Variants in ZNF232 observed in about 807,000 individuals in gnomAD.
ZNF232 encodes zinc finger protein 232, also known as zinc finger and SCAN domain-containing protein 11.
ZNF232 carries 25 observed loss-of-function variants against 25.2 expected under a neutral mutation model. That is an observed-to-expected ratio of 0.99 (90% CI 0.72 to 1.39). The LOEUF is 1.39. ZNF232 is among the 40% of genes most tolerant of loss of function. ZNF232 has a pLI of 0.00. For missense variants in ZNF232, 519 were observed against 520.9 expected (o/e 1.00, Z 0.04); for synonymous variants, 193 against 182.9 (o/e 1.06, Z -0.45).
chr17:5,121,256 C>T, intron 1 of ZNF232: 2 of 368,812 alleles, frequency 5.4e-6, no homozygotes, highest in East Asian at 7.3e-5. Flanking sequence ...TCTTTGTGTG[C>T]AGGTGCCTTT....
At position 5,119,172 on chromosome 17, in the gene ZNF232, ACT is replaced by A. The variant is rs1336047066; in HGVS notation, c.-530+3803_-530+3804del. Among the ~76,000 whole-genome samples, 4 of 151,914 alleles carry A rather than the reference ACT, an allele frequency of 2.6e-5. No individual in the cohort carries two copies. The South Asian group carries it at 6.2e-4, about 24-fold the overall frequency. On this transcript the variant is annotated intron_variant, in intron 1 of 4. Transcript: ENST00000250076. ...CCCTCTTCCTCAAAGAGATTATCAG[ACT>A]CTGACTTTTTCTCAGTTTTGGTCCT...
chr17:5,109,499 C>G, exon 2 of ZNF232: 1 of 1,614,178 alleles, frequency 6.2e-7, no homozygotes, highest in Non-Finnish European at 8.5e-7. Context: ...GCTCCTCAGG[C>G]AGGATGGTCA....
intron 3 of ZNF232, 108 bp downstream of exon 3, chr17:5,108,818 A>G (rs2072323581): frequency 6.5e-7 from 1 of 1,531,736 alleles, no homozygotes; most frequent in Non-Finnish European, 8.9e-7. Context: ...CTGTGATGAT[A>G]CCAAACATTT....
chr17:5,122,881 G>A (rs1212819226), intron 1 of ZNF232: 1 of 152,336 alleles, frequency 6.6e-6, no homozygotes. Flanking sequence ...GGAAGAACGC[G>A]ACGACGCGAG....
chr17:5,116,330 A>G (rs186850109), upstream of ZNF232: 1,915 of 151,578 alleles, frequency 0.013, 13 homozygotes, highest in Non-Finnish European at 0.02. Context: ...CCGCCTCACC[A>G]CTCCCGGCTT....
At chr17:5,109,259 C>A (rs2072335495) in intron 2 of ZNF232, 135 bp downstream of exon 2, 2 of 1,262,442 alleles carry the variant, frequency 1.6e-6, no homozygotes, top group Non-Finnish European at 2.3e-6. Context: ...AAAAGACAGA[C>A]ACAGAAACAC....
intron 1 of ZNF232, among the ~76,000 whole-genome samples, chr17:5,118,746 C>T (rs1174643416): frequency 2.0e-5 from 3 of 152,198 alleles, no homozygotes; most frequent in Non-Finnish European, 4.4e-5. Flanking sequence ...CAGTGGCTCT[C>T]AGCGGAGAGG....
chr17:5,108,817 T>C (rs1185145962), intron 3 of ZNF232, 109 bp downstream of exon 3: 10 of 1,528,808 alleles, frequency 6.5e-6, no homozygotes, highest in Non-Finnish European at 8.9e-6. Flanking sequence ...GCTGTGATGA[T>C]ACCAAACATT....
At chr17:5,112,576 T>C (rs964323017), upstream of ZNF232, among the ~76,000 whole-genome samples, 10 of 150,704 alleles carry the variant, frequency 6.6e-5, no homozygotes, top group Non-Finnish European at 8.9e-5. Flanking sequence ...CTCAGCCTCC[T>C]GAGTAGCTGG....
At chr17:5,111,828 C>G in exon 1 of ZNF232, 1 of 1,613,832 alleles carries the variant, frequency 6.2e-7, no homozygotes, top group Non-Finnish European at 8.5e-7. Context: ...TCCATCGGGG[C>G]GCTGCCGCGA....
chr17:5,110,907 A>G (rs531185980), intron 1 of ZNF232, among the ~76,000 whole-genome samples: 1 of 152,086 alleles, frequency 6.6e-6, no homozygotes, highest in East Asian at 1.9e-4. Flanking sequence ...GCAGGAGGGG[A>G]AGGAGGAGAG....
At chr17:5,115,592 C>G (rs2072516183), upstream of ZNF232, among the ~76,000 whole-genome samples, 2 of 126,056 alleles carry the variant, frequency 1.6e-5, no homozygotes, top group Admixed American at 1.7e-4. Flanking sequence ...CAAAACGGAA[C>G]AGAGGCAGTT....
intron 1 of ZNF232, among the ~76,000 whole-genome samples, chr17:5,118,663 G>A (rs2072584889): frequency 6.6e-6 from 1 of 152,194 alleles, no homozygotes; most frequent in Non-Finnish European, 1.5e-5. Flanking sequence ...GCTCTTGTCT[G>A]GCATCCAAAA....
intron 1 of ZNF232, chr17:5,121,357 G>T: frequency 2.9e-6 from 1 of 342,538 alleles, no homozygotes; most frequent in South Asian, 2.4e-5. Flanking sequence ...AACCCCTGTG[G>T]CCCACTCTGC....
In ZNF232 at chr17:5,109,895, C is replaced by CTT. The variant is rs113119643; in HGVS notation, c.24-29_24-28dup. On this transcript the variant is annotated intron_variant, in intron 1 of 3. Transcript: ENST00000575898. The stretch of plus-strand genomic sequence containing the variant: ...TGTAACATAAGAAGAAATCATTCCT[C>CTT]TTTTTTTTTTTTAAGACAGAGTCTT... The CTT allele has an allele frequency of 0.011, 13,466 of 1,231,094 alleles. 704 individuals carry two copies. In the African/African-American group the frequency reaches 0.18, roughly 16 times the overall value. 76.3% of individuals were successfully genotyped at this position (1,231,094 alleles called of 1,614,324 possible). A position where few individuals can be genotyped will look rare whatever the true frequency, so the allele number is the denominator to read the frequency against.
chr17:5,106,042 G>C (rs775287931), exon 4 of ZNF232: 2 of 1,614,034 alleles, frequency 1.2e-6, no homozygotes, highest in Admixed American at 3.3e-5. Context: ...TGAACAAGAT[G>C]AGCACCCCAT....
intron 1 of ZNF232, among the ~76,000 whole-genome samples, chr17:5,110,475 A>G (rs2072376199): frequency 6.6e-6 from 1 of 152,200 alleles, no homozygotes; most frequent in South Asian, 2.1e-4. Flanking sequence ...AATAAGTTTG[A>G]AGCAAAACCC....
intron 1 of ZNF232, chr17:5,118,182 T>G (rs564421884): frequency 6.6e-6 from 1 of 152,526 alleles, no homozygotes; most frequent in South Asian, 2.1e-4. Context: ...GTGACAGTCT[T>G]ATTTCCTATT....
At chr17:5,111,398 A>G in intron 1 of ZNF232, 1 of 283,392 alleles carries the variant, frequency 3.5e-6, no homozygotes, top group Non-Finnish European at 6.6e-6. Context: ...CCGCTGGCCT[A>G]AGACAAAGGA....
Sources: allele counts gnomAD v4.1 joint callset (sites outside exome capture counted in the v4.1 genomes callset), GRCh38; gene constraint gnomAD v4.1.1; transcripts MANE v1.5; gene names NCBI Gene and HGNC (gene_info 2026-07-23, HGNC 2026-07-21).